Variants in TUSC3 observed in about 807,000 individuals in gnomAD.
The protein encoded by TUSC3 is dolichyl-diphosphooligosaccharide--protein glycosyltransferase subunit TUSC3.
Under a neutral mutation model 44.8 loss-of-function variants are expected in TUSC3, and 45 were observed. The observed-to-expected ratio is 1.00, with a 90% CI of 0.79 to 1.29. The LOEUF (loss-of-function observed/expected upper bound fraction) is 1.29, where lower values mean the gene tolerates loss of function less well. Ranked by LOEUF, TUSC3 falls within the 50% of genes most tolerant of loss-of-function variation. TUSC3 has a pLI of 0.00. For synonymous variants in TUSC3, 212 were observed against 152.9 expected (o/e 1.39, Z -2.85); for missense variants, 519 against 437.9 (o/e 1.19, Z -1.65).
chr8:15,472,538 A>G (rs1057482302), intron 1 of TUSC3, among the ~76,000 whole-genome samples: 3 of 152,132 alleles, frequency 2.0e-5, no homozygotes, highest in Non-Finnish European at 2.9e-5. Context: ...GGTCACCTCA[A>G]TTTCTTCTGT....
intron 9 of TUSC3, among the ~76,000 whole-genome samples, chr8:15,754,330 G>A (rs945978549): frequency 4.6e-5 from 7 of 151,294 alleles, no homozygotes; most frequent in African/African-American, 1.7e-4. Context: ...ATCCAAGACA[G>A]AAATAAATAC....
chr8:15,640,448 G>A (rs1005165285), intron 2 of TUSC3, among the ~76,000 whole-genome samples: 4 of 152,172 alleles, frequency 2.6e-5, no homozygotes, highest in Non-Finnish European at 4.4e-5. Flanking sequence ...ATCACCAAAC[G>A]TGGTGATGGT....
At chr8:15,514,255 G>T (rs2129128518) in intron 2 of TUSC3, among the ~76,000 whole-genome samples, 1 of 152,058 alleles carries the variant, frequency 6.6e-6, no homozygotes, top group East Asian at 1.9e-4. Flanking sequence ...AGCATCATTA[G>T]GTCTAAGCTG....
intron 1 of TUSC3, among the ~76,000 whole-genome samples, chr8:15,419,577 G>T (rs1370352236): frequency 1.3e-5 from 2 of 152,050 alleles, no homozygotes; most frequent in East Asian, 3.9e-4. Flanking sequence ...TCAGTCTACG[G>T]TTATACGTGT....
At chr8:15,825,334 G>C in the TUSC3 span, among the ~76,000 whole-genome samples, 2 of 152,150 alleles carry the variant, frequency 1.3e-5, no homozygotes, top group Admixed American at 1.3e-4. Flanking sequence ...ATGGTGGAAG[G>C]CAAAGGAGGA....
At chr8:15,430,243 A>G (rs11987470) in intron 1 of TUSC3, among the ~76,000 whole-genome samples, 8,817 of 145,684 alleles carry the variant, frequency 0.061, 1,411 homozygotes, top group African/African-American at 0.17. Context: ...AATACTGGCA[A>G]ACGGAATCCA....
At chr8:15,464,854 CTT>C (rs953234935) in intron 1 of TUSC3, among the ~76,000 whole-genome samples, 1 of 151,202 alleles carries the variant, frequency 6.6e-6, no homozygotes, top group African/African-American at 2.4e-5. Flanking sequence ...TCCTTGAAGA[CTT>C]TTTTTTTGTT....
At chr8:15,449,490 C>G (rs1360449916) in intron 1 of TUSC3, among the ~76,000 whole-genome samples, 1 of 152,154 alleles carries the variant, frequency 6.6e-6, no homozygotes, top group Non-Finnish European at 1.5e-5. Context: ...CAGATACTGC[C>G]TCAAGTTAGC....
At chr8:15,467,953 A>G (rs1038926322) in intron 1 of TUSC3, among the ~76,000 whole-genome samples, 5 of 152,220 alleles carry the variant, frequency 3.3e-5, no homozygotes, top group African/African-American at 1.2e-4. Flanking sequence ...AAAACTAGTT[A>G]AAATCTGGAT....
intron 7 of TUSC3, among the ~76,000 whole-genome samples, chr8:15,732,862 A>G (rs901040267): frequency 6.6e-6 from 1 of 152,082 alleles, no homozygotes; most frequent in African/African-American, 2.4e-5. Context: ...CAACATTTTT[A>G]TTTCTCCCAC....
Position 15,762,099 on chromosome 8 carries a change from T to C in TUSC3, c.*47-2104T>C, listed in dbSNP as rs375967877. On this transcript the variant is annotated intron_variant, in intron 10 of 10. Transcript: ENST00000503731. ...AAAATAAAAGTGAAACCTGAAATAC[T>C]GATTAGAGAACAGCAGTTCATACTT... Among the ~76,000 whole-genome samples, 283 of 152,042 alleles carry C rather than the reference T, an allele frequency of 1.9e-3. 3 individuals are homozygous for C. The highest frequency in any genetic ancestry group is 0.016 in the South Asian group (79 of 4,824).
At chr8:15,537,922 A>C (rs760913034), upstream of TUSC3, among the ~76,000 whole-genome samples, 2 of 152,246 alleles carry the variant, frequency 1.3e-5, no homozygotes, top group Non-Finnish European at 2.9e-5. Flanking sequence ...TTTATGTCTC[A>C]AGGAAACAGC....
chr8:15,558,136 T>A (rs1428354894), intron 1 of TUSC3, among the ~76,000 whole-genome samples: 1 of 40,578 alleles, frequency 2.5e-5, no homozygotes, highest in African/African-American at 7.1e-5. Context: ...ATATTGGCTG[T>A]GGGTTTGTCA....
intron 1 of TUSC3, among the ~76,000 whole-genome samples, chr8:15,591,185 A>G (rs2129150358): frequency 6.6e-6 from 1 of 152,318 alleles, no homozygotes; most frequent in East Asian, 1.9e-4. Flanking sequence ...AAATGAACAG[A>G]TCATTCCTGG....
At chr8:15,720,622 G>C (rs1563189554) in intron 6 of TUSC3, among the ~76,000 whole-genome samples, 2 of 152,164 alleles carry the variant, frequency 1.3e-5, no homozygotes, top group Non-Finnish European at 2.9e-5. Context: ...AGAATGCAGT[G>C]GTCCTGGACA....
chr8:15,569,867 T>C (rs1368755031), intron 1 of TUSC3, among the ~76,000 whole-genome samples: 1 of 152,218 alleles, frequency 6.6e-6, no homozygotes, highest in East Asian at 1.9e-4. Flanking sequence ...AGGTTTAACA[T>C]GTTGCTTTGG....
the TUSC3 span, among the ~76,000 whole-genome samples, chr8:15,799,325 CT>C: frequency 6.6e-6 from 1 of 152,122 alleles, no homozygotes; most frequent in South Asian, 2.1e-4. Flanking sequence ...AAGTTTCCTC[CT>C]TTCACACTCA....
intron 1 of TUSC3, among the ~76,000 whole-genome samples, chr8:15,437,975 A>G (rs1799971697): frequency 6.6e-6 from 1 of 152,354 alleles, no homozygotes; most frequent in Non-Finnish European, 1.5e-5. Flanking sequence ...TTGGAACTGT[A>G]CAGACATTTG....
chr8:15,424,752 T>G (rs976907437), intron 1 of TUSC3, among the ~76,000 whole-genome samples: 3 of 151,990 alleles, frequency 2.0e-5, no homozygotes, highest in Non-Finnish European at 4.4e-5. Flanking sequence ...TGGTGGCACA[T>G]GCCTGTGGGC....
Sources: allele counts gnomAD v4.1 joint callset (sites outside exome capture counted in the v4.1 genomes callset), GRCh38; gene constraint gnomAD v4.1.1; transcripts MANE v1.5; gene names NCBI Gene and HGNC (gene_info 2026-07-23, HGNC 2026-07-21).